ZNF804A: variants seen among roughly 807,000 people sequenced by gnomAD.
The protein encoded by ZNF804A is zinc finger protein 804A.
Under a neutral mutation model 16.5 loss-of-function variants are expected in ZNF804A, and 2 were observed. The ratio of observed to expected loss-of-function variants is 0.12; its 90% CI spans 0.05 to 0.38. The LOEUF is 0.38. Among genes scored for constraint, ZNF804A ranks in the 10% least tolerant of loss-of-function variants. The pLI, the probability that ZNF804A is intolerant of heterozygous loss-of-function variation, is 0.99. For missense variants in ZNF804A, 1,473 were observed against 1,390.7 expected (o/e 1.06, Z -0.94); for synonymous variants, 534 against 489.6 (o/e 1.09, Z -1.20).
intron 1 of ZNF804A, among the ~76,000 whole-genome samples, chr2:184,645,638 C>A (rs1691858330): frequency 6.6e-6 from 1 of 152,096 alleles, no homozygotes; most frequent in Admixed American, 6.6e-5. Context: ...GCTATGACAG[C>A]AAGATACATC....
intron 1 of ZNF804A, 144 bp downstream of exon 1, chr2:184,599,214 A>C: frequency 1.5e-6 from 1 of 666,082 alleles, no homozygotes; most frequent in Non-Finnish European, 2.6e-6. Context: ...AATTGGGTGT[A>C]GAAAAAGGAA....
intron 1 of ZNF804A, among the ~76,000 whole-genome samples, chr2:184,829,925 A>G (rs1438058360): frequency 1.1e-5 from 1 of 87,438 alleles, no homozygotes; most frequent in Non-Finnish European, 2.1e-5. Flanking sequence ...AAAAAAAACA[A>G]AAACAAAAAA....
At chr2:184,697,764 A>C (rs1044808545) in intron 1 of ZNF804A, among the ~76,000 whole-genome samples, 6 of 152,088 alleles carry the variant, frequency 3.9e-5, no homozygotes, top group African/African-American at 7.2e-5. Flanking sequence ...ATATTTTAAA[A>C]GTTAGTTTCC....
At chr2:184,731,451 G>A (rs954464800) in intron 1 of ZNF804A, among the ~76,000 whole-genome samples, 4 of 151,532 alleles carry the variant, frequency 2.6e-5, no homozygotes, top group Non-Finnish European at 5.9e-5. Flanking sequence ...TGATGTTATA[G>A]CGTTGTTTTA....
intron 1 of ZNF804A, among the ~76,000 whole-genome samples, chr2:184,776,985 A>T (rs1217928346): frequency 6.6e-6 from 1 of 151,646 alleles, no homozygotes; most frequent in Non-Finnish European, 1.5e-5. Flanking sequence ...GGCTATGGTT[A>T]GCAATGTCCA....
chr2:184,833,495 A>T (rs1308300747), intron 1 of ZNF804A, among the ~76,000 whole-genome samples: 2 of 152,116 alleles, frequency 1.3e-5, no homozygotes, highest in Non-Finnish European at 2.9e-5. Flanking sequence ...ATGCAATTTA[A>T]TATGTTCTAA....
At position 184,936,126 on chromosome 2, in the gene ZNF804A, A is replaced by G. The variant is rs762480136; in HGVS notation, c.730A>G (p.Lys244Glu). The part of the protein sequence containing the change: ...SEYSDDASVG[K>E]GFSRKSRFVP... ...ATACAGTGATGATGCCTCAGTGGGA[A>G]AAGGATTTAGCAGAAAAAGTAGATT... Residue 244 changes from lysine to glutamate, a missense_variant, in exon 4 of 4, where the codon AAA becomes GAA. Physicochemically the swap from Lys to Glu is moderately conservative, Grantham distance 56. Transcript: ENST00000302277. 54 of 1,613,910 alleles carry G rather than the reference A, an allele frequency of 3.3e-5. No homozygotes were observed. Among genetic ancestry groups the G allele is most frequent in the Non-Finnish European group, 4.3e-5 (51 of 1,179,956 alleles).
At chr2:184,623,671 T>A (rs181434162) in intron 1 of ZNF804A, among the ~76,000 whole-genome samples, 1 of 152,098 alleles carries the variant, frequency 6.6e-6, no homozygotes, top group East Asian at 1.9e-4. Flanking sequence ...ACCCAGCACT[T>A]GACCCAGATA....
intron 2 of ZNF804A, among the ~76,000 whole-genome samples, chr2:184,897,505 G>A (rs1685106717): frequency 1.3e-5 from 2 of 150,712 alleles, no homozygotes; most frequent in African/African-American, 4.9e-5. Context: ...ATTTTTGGAT[G>A]GAGTCACTCA....
chr2:184,727,830 C>T (rs1693438533), intron 1 of ZNF804A, among the ~76,000 whole-genome samples: 1 of 151,702 alleles, frequency 6.6e-6, no homozygotes, highest in Non-Finnish European at 1.5e-5. Flanking sequence ...TACAGTGTGG[C>T]AGATTCCATC....
intron 1 of ZNF804A, among the ~76,000 whole-genome samples, chr2:184,765,254 A>G (rs1035371904): frequency 5.3e-5 from 8 of 152,188 alleles, no homozygotes; most frequent in Non-Finnish European, 8.8e-5. Flanking sequence ...GAATAAGCAT[A>G]CAGGAGTAAA....
intron 1 of ZNF804A, among the ~76,000 whole-genome samples, chr2:184,684,117 T>G (rs1692587952): frequency 1.3e-5 from 2 of 152,216 alleles, no homozygotes; most frequent in African/African-American, 4.8e-5. Context: ...AGGAAGTGGC[T>G]TCTTCTGAAG....
Position 184,936,846 on chromosome 2 carries a change from T to C in ZNF804A, c.1450T>C (p.Cys484Arg). The C allele has an allele frequency of 4.3e-6, 7 of 1,612,906 alleles. No individual in the cohort carries two copies. The South Asian group carries it at 7.7e-5, about 18-fold the overall frequency. Residue 484 changes from cysteine (C) to arginine (R), a missense_variant, in exon 4 of 4, where the codon TGT becomes CGT. Transcript: ENST00000302277. ...AAATAAGCCAGACTTAAAAGATCTTTGTTCTCAGCAGAAGCAGGAAGACAT... is the reference window on the plus strand; with the variant it reads ...AAATAAGCCAGACTTAAAAGATCTTCGTTCTCAGCAGAAGCAGGAAGACAT... ...DKNKPDLKDL[C>R]SQQKQEDICM... is the part of the protein sequence containing the mutation.
chr2:184,836,324 T>A (rs1695345360), intron 1 of ZNF804A, among the ~76,000 whole-genome samples: 1 of 152,126 alleles, frequency 6.6e-6, no homozygotes, highest in Admixed American at 6.6e-5. Flanking sequence ...CACCCAGGCC[T>A]GAAATCTGTT....
chr2:184,933,387 T>C (rs1031190868), intron 2 of ZNF804A, among the ~76,000 whole-genome samples: 4 of 152,166 alleles, frequency 2.6e-5, no homozygotes, highest in Admixed American at 1.3e-4. Context: ...AAGGCATAGA[T>C]ATAAATTTCA....
At chr2:184,691,461 A>G (rs1457411707) in intron 1 of ZNF804A, among the ~76,000 whole-genome samples, 2 of 147,358 alleles carry the variant, frequency 1.4e-5, no homozygotes, top group Admixed American at 1.3e-4. Flanking sequence ...ACTTGATTTT[A>G]TTTACTATTT....
intron 2 of ZNF804A, among the ~76,000 whole-genome samples, chr2:184,912,531 T>C (rs541672220): frequency 5.3e-5 from 8 of 152,196 alleles, no homozygotes; most frequent in Middle Eastern, 3.4e-3. Context: ...TGCCAAACTA[T>C]TTCAACAGTG....
At chr2:184,705,807 G>C (rs1693018633) in intron 1 of ZNF804A, among the ~76,000 whole-genome samples, 2 of 152,142 alleles carry the variant, frequency 1.3e-5, no homozygotes, top group African/African-American at 4.8e-5. Context: ...GGTAGAAAAT[G>C]TGGTTTGGGG....
intron 1 of ZNF804A, among the ~76,000 whole-genome samples, chr2:184,729,477 C>T (rs1693476180): frequency 6.6e-6 from 1 of 151,928 alleles, no homozygotes; most frequent in South Asian, 2.1e-4. Flanking sequence ...TCAAATCAAT[C>T]AGTTGGTTCA....
Sources: gnomAD v4.1 joint callset for allele counts (sites outside exome capture counted in the v4.1 genomes callset) on GRCh38, gnomAD v4.1.1 for gene constraint, MANE v1.5 for transcripts, NCBI Gene and HGNC (gene_info 2026-07-23, HGNC 2026-07-21) for gene names.